The following ADGB variants were observed in gnomAD, a reference collection of about 807,000 sequenced individuals.
ADGB encodes the protein calpain-7-like protein.
A neutral mutation model predicts 210.5 loss-of-function variants in ADGB; 172 were observed. That is an observed-to-expected ratio of 0.82 (90% CI 0.72 to 0.93). The LOEUF (loss-of-function observed/expected upper bound fraction) is 0.93. Among genes scored for constraint, ADGB ranks in the 40% least tolerant of loss-of-function variants. The probability of loss-of-function intolerance (pLI) is 0.00; values close to 1 mark genes in which losing one functional copy is unlikely to be tolerated. For synonymous variants in ADGB, 658 were observed against 662.7 expected (o/e 0.99, Z 0.11); for missense variants, 2,025 against 1,964.8 (o/e 1.03, Z -0.58).
intron 29 of ADGB, chr6:146,770,512 T>C (rs1777634620): frequency 4.4e-6 from 2 of 450,506 alleles, no homozygotes; most frequent in Non-Finnish European, 9.4e-6. Context: ...AGGGATGTGT[T>C]CTTCCTCGGT....
chr6:146,691,088 G>A (rs1247529598), intron 10 of ADGB, 28 bp from the exon 11 acceptor site: 2 of 1,499,732 alleles, frequency 1.3e-6, no homozygotes, highest in Non-Finnish European at 1.8e-6. Context: ...GAAGGAGAAT[G>A]CTTTTCAATT....
At chr6:146,756,533 C>A (rs1291981435) in intron 27 of ADGB, among the ~76,000 whole-genome samples, 1 of 151,934 alleles carries the variant, frequency 6.6e-6, no homozygotes, top group East Asian at 1.9e-4. Flanking sequence ...CATATACATA[C>A]CTCTGATTAG....
chr6:146,791,912 T>G, intron 33 of ADGB, among the ~76,000 whole-genome samples: 1 of 145,560 alleles, frequency 6.9e-6, no homozygotes, highest in East Asian at 2.0e-4. Flanking sequence ...CATGTGCCAC[T>G]GCACCTTGCT....
chr6:146,686,202 G>A (rs73589838), intron 10 of ADGB, among the ~76,000 whole-genome samples: 4,839 of 152,004 alleles, frequency 0.032, 232 homozygotes, highest in African/African-American at 0.11. Context: ...GGCCACATGC[G>A]TTTTCTTAAA....
intron 7 of ADGB, among the ~76,000 whole-genome samples, chr6:146,671,476 T>C (rs549049745): frequency 6.6e-6 from 1 of 152,188 alleles, no homozygotes; most frequent in Non-Finnish European, 1.5e-5. Flanking sequence ...AAGTAGAAGG[T>C]GATGCAGGAC....
At chr6:146,806,648 G>A (rs1179881022) in intron 35 of ADGB, among the ~76,000 whole-genome samples, 1 of 152,218 alleles carries the variant, frequency 6.6e-6, no homozygotes, top group Non-Finnish European at 1.5e-5. Context: ...ATTTCTAGAA[G>A]AGTCTTTTCA....
chr6:146,715,967 C>T (rs1407494563), intron 14 of ADGB, among the ~76,000 whole-genome samples: 1 of 149,488 alleles, frequency 6.7e-6, no homozygotes, highest in Non-Finnish European at 1.5e-5. Flanking sequence ...ACTTGGGAGG[C>T]TGAGGCAGGA....
chr6:146,716,994 A>G lies in ADGB; in HGVS notation c.1853A>G (p.Glu618Gly). 1 of 1,551,692 alleles carries G rather than the reference A, an allele frequency of 6.4e-7. No individual in the cohort carries two copies. Among genetic ancestry groups the G allele is most frequent in the Non-Finnish European group, 8.7e-7 (1 of 1,146,966 alleles). Residue 618 changes from glutamate (E) to glycine (G), a missense_variant, in exon 15 of 36, where the codon GAA (glutamate) becomes GGA (glycine). By Grantham distance (98) the Glu-to-Gly change is moderately conservative. Coordinates refer to ENST00000397944, the MANE Select transcript of ADGB (RefSeq NM_024694.4). ...QTTATQEKSQ[E>G]ELPTTNNSVS... ...ACAGCAACACAGGAAAAGTCACAGG[A>G]AGAACTTCCAACAACAAATAATAGT...
At chr6:146,711,795 T>A (rs1338551841) in intron 13 of ADGB, among the ~76,000 whole-genome samples, 2 of 152,100 alleles carry the variant, frequency 1.3e-5, no homozygotes, top group East Asian at 3.9e-4. Context: ...GTTGGTAGGC[T>A]GAGGCAGGTG....
chr6:146,803,572 T>C, intron 35 of ADGB: 1 of 1,481,038 alleles, frequency 6.8e-7, no homozygotes, highest in East Asian at 2.3e-5. Context: ...AGCAGCCAAC[T>C]GTTTTGGAGA....
chr6:146,778,575 T>C (rs1449321800), intron 29 of ADGB, among the ~76,000 whole-genome samples: 1 of 152,218 alleles, frequency 6.6e-6, no homozygotes, highest in Non-Finnish European at 1.5e-5. Flanking sequence ...TCCTCTCATT[T>C]AAACAACCTT....
chr6:146,639,971 C>T (rs1338782590), intron 2 of ADGB, among the ~76,000 whole-genome samples: 1 of 151,800 alleles, frequency 6.6e-6, no homozygotes, highest in Admixed American at 6.6e-5. Flanking sequence ...TCAACAAATC[C>T]AGGAGTTGTT....
intron 11 of ADGB, among the ~76,000 whole-genome samples, chr6:146,691,666 A>G (rs1169791954): frequency 6.8e-6 from 1 of 147,966 alleles, no homozygotes; most frequent in African/African-American, 2.5e-5. Context: ...ATTTTATGCC[A>G]AAATTTTATG....
At position 146,733,205 on chromosome 6, in the gene ADGB, T is replaced by C. The variant is rs371272843; in HGVS notation, c.2606T>C (p.Met869Thr). Reference sequence around the variant, plus strand: ...AACTTCAAATTTGCATTCCGGGCTATGGTTTTGGACTTGGAGTTACTCAAT... The same window carrying C: ...AACTTCAAATTTGCATTCCGGGCTACGGTTTTGGACTTGGAGTTACTCAAT... ...PPNFKFAFRAMVLDLELLNSS... is the reference protein window; with the variant it reads ...PPNFKFAFRATVLDLELLNSS... Residue 869 changes from methionine (M) to threonine (T), a missense_variant, in exon 21 of 36, where the codon ATG becomes ACG. By Grantham distance (81) the Met-to-Thr change is moderately conservative (BLOSUM62 -1). Transcript: ENST00000397944. 31 of 1,544,488 alleles carry C rather than the reference T, an allele frequency of 2.0e-5. No individual in the cohort carries two copies. Among genetic ancestry groups the C allele is most frequent in the African/African-American group, 1.1e-4 (8 of 72,902 alleles).
chr6:146,695,604 T>C (rs1391403657), intron 12 of ADGB, among the ~76,000 whole-genome samples: 2 of 151,766 alleles, frequency 1.3e-5, no homozygotes, highest in African/African-American at 4.8e-5. Context: ...TTTTTTAAGT[T>C]AATTAATATT....
intron 1 of ADGB, among the ~76,000 whole-genome samples, chr6:146,604,648 A>G (rs80200665): frequency 0.013 from 2,046 of 152,252 alleles, 48 homozygotes; most frequent in African/African-American, 0.046. Context: ...CCAATTATTT[A>G]TTGAGAATTG....
In ADGB at chr6:146,698,641, G is replaced by A. The variant is rs147857849; in HGVS notation, c.1578-2300G>A. Among the ~76,000 whole-genome samples the A allele has an allele frequency of 3.9e-4, 59 of 152,248 alleles. 1 individual carries two copies. The East Asian group carries it at 7.7e-3, about 20-fold the overall frequency. On this transcript the variant is annotated intron_variant, in intron 12 of 35. Transcript: ENST00000397944. Reference sequence around the variant, plus strand: ...GGCAGTTGGCAATGTCAAGCCATGCGGGACAGCTTTATAACCAGAAAAAAA... The same window carrying A: ...GGCAGTTGGCAATGTCAAGCCATGCAGGACAGCTTTATAACCAGAAAAAAA...
intron 35 of ADGB, chr6:146,807,921 G>A (rs1248733917): frequency 3.8e-5 from 6 of 158,586 alleles, no homozygotes; most frequent in Admixed American, 3.2e-4. Flanking sequence ...GATGAGAAAA[G>A]TGGCTTTTGT....
Position 146,802,029 on chromosome 6 carries a change from T to TA in ADGB, c.4818+19dup. The TA allele has an allele frequency of 6.8e-7, 1 of 1,461,220 alleles. No homozygotes were observed. The highest frequency in any genetic ancestry group is 9.0e-7 in the Non-Finnish European group (1 of 1,108,514). 90.5% of individuals were successfully genotyped at this position (1,461,220 alleles called of 1,614,324 possible). On this transcript the variant is annotated intron_variant, in intron 35 of 35. Coordinates refer to ENST00000397944, the MANE Select transcript of ADGB (RefSeq NM_024694.4). ...AAATGCAGGTGAGTCTAAAAGCACA[T>TA]ACATAGATTATAGTTGGCAAATTCT...
Sources: gnomAD v4.1 joint callset for allele counts (sites outside exome capture counted in the v4.1 genomes callset) on GRCh38, gnomAD v4.1.1 for gene constraint, MANE v1.5 for transcripts, NCBI Gene and HGNC (gene_info 2026-07-23, HGNC 2026-07-21) for gene names.